ADAM12: variants seen among roughly 807,000 people sequenced by gnomAD.
The protein encoded by ADAM12 is disintegrin and metalloproteinase domain-containing protein 12.
Under a neutral mutation model 106.4 loss-of-function variants are expected in ADAM12, and 70 were observed. The ratio of observed to expected loss-of-function variants is 0.66; its 90% CI spans 0.54 to 0.80. The LOEUF (loss-of-function observed/expected upper bound fraction) is 0.80. Among genes scored for constraint, ADAM12 ranks in the 30% least tolerant of loss-of-function variants. The pLI, the probability that ADAM12 is intolerant of heterozygous loss-of-function variation, is 0.00. For synonymous variants in ADAM12, 420 were observed against 433.5 expected (o/e 0.97, Z 0.39); for missense variants, 1,010 against 1,171.9 (o/e 0.86, Z 2.02).
At position 126,339,011 on chromosome 10, in the gene ADAM12, C is replaced by T. The variant is rs191718445; in HGVS notation, c.89-8502G>A. ...CTGCTGCTTCACTGGGTATCTGTGA[C>T]CACCTTCTGCCAAAATACACACCAA... On this transcript the variant is annotated intron_variant, in intron 1 of 22. Transcript: ENST00000448723. Among the ~76,000 whole-genome samples, 4 of 152,286 alleles carry T rather than the reference C, an allele frequency of 2.6e-5. No individual in the cohort carries two copies. In the East Asian group the frequency reaches 7.7e-4, roughly 29 times the overall value.
chr10:126,341,778 A>C (rs1400401229), intron 1 of ADAM12, among the ~76,000 whole-genome samples: 1 of 152,252 alleles, frequency 6.6e-6, no homozygotes, highest in Non-Finnish European at 1.5e-5. Context: ...CCCAGCATGT[A>C]CGTGGCTACA....
chr10:126,108,313 G>A (rs367896618), intron 8 of ADAM12, among the ~76,000 whole-genome samples: 15 of 152,256 alleles, frequency 9.9e-5, no homozygotes, highest in African/African-American at 3.1e-4. Flanking sequence ...GGAGCTAATC[G>A]GGAAGTCCAA....
rs943708212 is a variant in ADAM12, at chr10:126,049,819, A to G, written c.1610-150T>C. 19 of 695,056 alleles carry G rather than the reference A, an allele frequency of 2.7e-5. No homozygotes were observed. Among genetic ancestry groups the G allele is most frequent in the South Asian group, 3.8e-5 (2 of 52,534 alleles). 43.1% of individuals were successfully genotyped at this position (695,056 alleles called of 1,614,324 possible). ...ACTCATGGTGGGAGCTGGCCAGGGG[A>G]AGCCTAGGGTGTCAGCAGCTCGCAT... On this transcript the variant is annotated intron_variant, in intron 14 of 22. Coordinates refer to ENST00000448723, the MANE Select transcript of ADAM12 (RefSeq NM_001288973.2). The surrounding 1 kb of genome is among the most constrained non-coding windows in gnomAD (Gnocchi z 4.4).
chr10:126,151,986 T>C (rs1214350828), intron 4 of ADAM12, among the ~76,000 whole-genome samples: 1 of 149,542 alleles, frequency 6.7e-6, no homozygotes, highest in African/African-American at 2.5e-5. Context: ...CAGCTTTTGG[T>C]TTAATTCATC....
At chr10:126,021,452 A>G (rs1953765810) in intron 21 of ADAM12, among the ~76,000 whole-genome samples, 1 of 152,248 alleles carries the variant, frequency 6.6e-6, no homozygotes, top group Non-Finnish European at 1.5e-5. Context: ...GCTACCACAG[A>G]AGTTTGTAAA....
intron 3 of ADAM12, among the ~76,000 whole-genome samples, chr10:126,256,218 A>G (rs1958889712): frequency 6.6e-6 from 1 of 152,230 alleles, no homozygotes; most frequent in South Asian, 2.1e-4. Flanking sequence ...AAGATCTACC[A>G]ATCACATTGT....
chr10:126,041,427 C>CA (rs1204275705), intron 18 of ADAM12: 1 of 985,612 alleles, frequency 1.0e-6, no homozygotes, highest in Non-Finnish European at 1.2e-6. Context: ...TTTTAACATT[C>CA]TTACTTGTTA....
chr10:126,060,752 C>T (rs978419388), intron 14 of ADAM12, among the ~76,000 whole-genome samples: 4 of 152,186 alleles, frequency 2.6e-5, no homozygotes, highest in Admixed American at 6.5e-5. Context: ...CCATGCCTCC[C>T]GGGAGGATAT....
At chr10:126,189,973 C>G (rs1007514665) in intron 3 of ADAM12, among the ~76,000 whole-genome samples, 2 of 152,136 alleles carry the variant, frequency 1.3e-5, no homozygotes, top group South Asian at 4.1e-4. Context: ...ACGTTTGTCT[C>G]TTTTCAGAAG....
At chr10:126,254,539 TCA>T (rs1958851842) in intron 3 of ADAM12, among the ~76,000 whole-genome samples, 1 of 152,212 alleles carries the variant, frequency 6.6e-6, no homozygotes, top group South Asian at 2.1e-4. Context: ...CTTGCCTTGC[TCA>T]CAGAGTCCAC....
intron 5 of ADAM12, among the ~76,000 whole-genome samples, chr10:126,134,081 C>A (rs886754777): frequency 1.3e-5 from 2 of 152,212 alleles, no homozygotes; most frequent in African/African-American, 4.8e-5. Flanking sequence ...AATGAGGAAG[C>A]ACTCAAGGAA....
rs540199592 is a variant in ADAM12 at position 126,300,045 on chromosome 10, T to C, written c.187-21057A>G. 2.0e-5 allele frequency among the ~76,000 whole-genome samples: 3 copies of C among 152,338 alleles called. 1 individual carries two copies. Among genetic ancestry groups the C allele is most frequent in the African/African-American group, 7.2e-5 (3 of 41,574 alleles). The stretch of plus-strand genomic sequence containing the variant: ...TTCTTTCCTATTATTTTTACCTTTG[T>C]AGAATAAAAATATCTTGAATTCATA... On this transcript the variant is annotated intron_variant, in intron 2 of 22. Coordinates refer to ENST00000448723, the MANE Select transcript of ADAM12 (RefSeq NM_001288973.2).
At chr10:126,073,892 A>G (rs1955048986) in intron 11 of ADAM12, among the ~76,000 whole-genome samples, 1 of 152,222 alleles carries the variant, frequency 6.6e-6, no homozygotes, top group African/African-American at 2.4e-5. Context: ...CACAAGAAAA[A>G]TGATAATGTT....
At chr10:126,315,345 C>G (rs1447723222) in intron 2 of ADAM12, among the ~76,000 whole-genome samples, 2 of 152,208 alleles carry the variant, frequency 1.3e-5, no homozygotes, top group Non-Finnish European at 2.9e-5. Flanking sequence ...TGCTCGCCAG[C>G]TCTTTCCTCG....
chr10:126,359,453 T>C (rs1196578682), intron 1 of ADAM12, among the ~76,000 whole-genome samples: 2 of 152,160 alleles, frequency 1.3e-5, no homozygotes, highest in Non-Finnish European at 2.9e-5. Context: ...GGTACAGGCA[T>C]TGGGTAAATA....
intron 3 of ADAM12, among the ~76,000 whole-genome samples, chr10:126,188,559 T>C (rs541702977): frequency 6.6e-6 from 1 of 152,314 alleles, no homozygotes; most frequent in East Asian, 1.9e-4. Flanking sequence ...GTGTGTGAAC[T>C]TACAGCTCAG....
At chr10:126,332,141 T>C (rs1286375267) in intron 1 of ADAM12, among the ~76,000 whole-genome samples, 2 of 152,238 alleles carry the variant, frequency 1.3e-5, no homozygotes, top group Non-Finnish European at 2.9e-5. Flanking sequence ...ACGTGTTTAC[T>C]CACCACTCAC....
chr10:126,298,718 C>T (rs1342409797), intron 2 of ADAM12, among the ~76,000 whole-genome samples: 1 of 151,874 alleles, frequency 6.6e-6, no homozygotes, highest in Non-Finnish European at 1.5e-5. Flanking sequence ...AAAAGCCACA[C>T]CTAGAAGAAT....
Position 126,015,986 on chromosome 10 carries a change from A to G in ADAM12, c.*1293T>C, listed in dbSNP as rs1447885861. 2.0e-5 allele frequency: 3 copies of G among 152,190 alleles called. No homozygotes were observed. The highest frequency in any genetic ancestry group is 4.4e-5 in the Non-Finnish European group (3 of 68,032). The allele number at this position is 152,190 out of a possible 1,614,324, so 9.4% of individuals were successfully genotyped here. A position where few individuals can be genotyped will look rare whatever the true frequency, so the allele number is the denominator to read the frequency against. On this transcript the variant is annotated 3_prime_UTR_variant, in exon 23 of 23. Coordinates refer to ENST00000448723, the MANE Select transcript of ADAM12 (RefSeq NM_001288973.2). Reference sequence around the variant, plus strand: ...ATCTCATAATATTTAGGAAGTTGATAAGCAAGTTGATTTCCTTATCACATT... The same window carrying G: ...ATCTCATAATATTTAGGAAGTTGATGAGCAAGTTGATTTCCTTATCACATT...
Sources: gnomAD v4.1 joint callset for allele counts (sites outside exome capture counted in the v4.1 genomes callset) on GRCh38, gnomAD v4.1.1 for gene constraint, Gnocchi (gnomAD v3.1) non-coding constraint, MANE v1.5 for transcripts, NCBI Gene and HGNC (gene_info 2026-07-23, HGNC 2026-07-21) for gene names.